FNDC3B: variants seen among roughly 807,000 people sequenced by gnomAD.
FNDC3B encodes the protein fibronectin type III domain containing 3B.
Under a neutral mutation model 151.5 loss-of-function variants are expected in FNDC3B, and 12 were observed. That is an observed-to-expected ratio of 0.08 (90% CI 0.05 to 0.13). The LOEUF is 0.13. Among genes scored for constraint, FNDC3B ranks in the 10% least tolerant of loss-of-function variants. The pLI is 1.00. For missense variants in FNDC3B, 1,214 were observed against 1,505.3 expected (o/e 0.81, Z 3.20); for synonymous variants, 528 against 549.0 (o/e 0.96, Z 0.54).
At chr3:172,073,485 G>A (rs6808166) in intron 1 of FNDC3B, among the ~76,000 whole-genome samples, 71,148 of 152,096 alleles carry the variant, frequency 0.47, 18,610 homozygotes, top group Non-Finnish European at 0.57. Context: ...TTTAGTTGCT[G>A]TGGACTTTGA....
chr3:172,330,494 C>A (rs372701592), intron 12 of FNDC3B, 47 bp from the exon 13 acceptor site: 4 of 1,525,350 alleles, frequency 2.6e-6, no homozygotes, highest in Non-Finnish European at 3.6e-6. Flanking sequence ...AAATGCCAAG[C>A]CTCTTCACAT....
intron 1 of FNDC3B, among the ~76,000 whole-genome samples, chr3:172,095,788 TA>T (rs918165248): frequency 2.0e-5 from 2 of 99,630 alleles, no homozygotes; most frequent in South Asian, 2.8e-4. Flanking sequence ...TTTTCTTTGT[TA>T]AAAAAACAAA....
Position 172,195,732 on chromosome 3 carries a change from C to T in FNDC3B, c.188-31139C>T, listed in dbSNP as rs138939052. Among the ~76,000 whole-genome samples the T allele has an allele frequency of 7.9e-5, 12 of 152,336 alleles. No individual in the cohort carries two copies. In the East Asian group the frequency reaches 2.1e-3, roughly 27 times the overall value. On this transcript the variant is annotated intron_variant, in intron 3 of 25. Transcript: ENST00000415807. The stretch of plus-strand genomic sequence containing the variant: ...ATTTGTAGCAGTACAGGTTAAGTCA[C>T]AAGCCAGCCTGAGGAATAGGATGAG...
intron 9 of FNDC3B, among the ~76,000 whole-genome samples, chr3:172,304,486 T>C (rs1731091558): frequency 1.3e-5 from 2 of 152,168 alleles, no homozygotes; most frequent in African/African-American, 4.8e-5. Flanking sequence ...TGAAAAGCAG[T>C]CTCAGTGCTG....
chr3:172,357,302 A>G (rs1030195517), intron 22 of FNDC3B, among the ~76,000 whole-genome samples: 1 of 152,220 alleles, frequency 6.6e-6, no homozygotes, highest in African/African-American at 2.4e-5. Context: ...GGAAAATGCT[A>G]CTTCCCTTGT....
intron 3 of FNDC3B, among the ~76,000 whole-genome samples, chr3:172,202,888 T>C (rs1725230052): frequency 6.6e-6 from 1 of 152,228 alleles, no homozygotes; most frequent in Admixed American, 6.5e-5. Context: ...TGGCACACTT[T>C]TTCTGTAAAG....
At chr3:172,116,511 A>T (rs909415493) in intron 2 of FNDC3B, among the ~76,000 whole-genome samples, 2 of 152,046 alleles carry the variant, frequency 1.3e-5, no homozygotes, top group South Asian at 2.1e-4. Context: ...CTGGAATTTC[A>T]TATAAATAAA....
chr3:172,096,961 C>A (rs1036910711), intron 1 of FNDC3B, among the ~76,000 whole-genome samples: 1 of 152,194 alleles, frequency 6.6e-6, no homozygotes, highest in African/African-American at 2.4e-5. Flanking sequence ...GGCTTGCCAG[C>A]TCCTAAGGAA....
At chr3:172,369,057 A>G (rs1416900978) in intron 23 of FNDC3B, among the ~76,000 whole-genome samples, 1 of 152,214 alleles carries the variant, frequency 6.6e-6, no homozygotes, top group East Asian at 1.9e-4. Context: ...GGAGCATAAC[A>G]ATTTAGCCTT....
At chr3:172,361,781 A>G (rs1470611325) in intron 22 of FNDC3B, among the ~76,000 whole-genome samples, 1 of 152,086 alleles carries the variant, frequency 6.6e-6, no homozygotes, top group East Asian at 1.9e-4. Context: ...TTGCCAAACA[A>G]TTCTCCCACC....
chr3:172,251,287 C>T lies in FNDC3B; in HGVS notation c.536C>T (p.Thr179Ile), dbSNP rs7652177. Residue 179 changes from threonine (T) to isoleucine (I), a missense_variant, in exon 6 of 26, where the codon ACC (threonine) becomes ATC (isoleucine). Thr to Ile is a moderately conservative substitution (Grantham distance 89). Coordinates refer to ENST00000415807, the MANE Select transcript of FNDC3B (RefSeq NM_022763.4). The part of the protein sequence containing the change: ...QEIIPFYGMS[T>I]YITREDQYSK... ...ATTATACCATTTTATGGAATGTCAA[C>T]CTACATCACCCGAGAAGACCAGTAC... 6.2e-7 allele frequency: 1 copy of T among 1,611,912 alleles called. No individual in the cohort carries two copies. Among genetic ancestry groups the T allele is most frequent in the Non-Finnish European group, 8.5e-7 (1 of 1,178,404 alleles).
chr3:172,389,420 A>T (rs1178538456), intron 25 of FNDC3B, among the ~76,000 whole-genome samples: 1 of 152,248 alleles, frequency 6.6e-6, no homozygotes, highest in Non-Finnish European at 1.5e-5. Context: ...AAGGTAGACA[A>T]GCTATGAAGT....
chr3:172,219,794 A>T (rs1051462170), intron 3 of FNDC3B, among the ~76,000 whole-genome samples: 1 of 152,194 alleles, frequency 6.6e-6, no homozygotes, highest in African/African-American at 2.4e-5. Context: ...TTAGTGCTTC[A>T]TTCCTTTTTA....
chr3:172,051,069 T>C (rs956231281), intron 1 of FNDC3B, among the ~76,000 whole-genome samples: 1 of 151,620 alleles, frequency 6.6e-6, no homozygotes. Flanking sequence ...AGATAACTTA[T>C]CATTTTCTTT....
chr3:172,186,619 C>A (rs1724199410), intron 3 of FNDC3B: 6 of 666,802 alleles, frequency 9.0e-6, no homozygotes, highest in Non-Finnish European at 1.3e-5. Flanking sequence ...CCTATACCAG[C>A]ATTTTAAAAA....
At chr3:172,067,239 G>A (rs1438827136) in intron 1 of FNDC3B, among the ~76,000 whole-genome samples, 1 of 152,112 alleles carries the variant, frequency 6.6e-6, no homozygotes, top group Non-Finnish European at 1.5e-5. Context: ...GTATTTTTCT[G>A]TATATAATGT....
At chr3:172,204,517 TTA>T (rs1725326511) in intron 3 of FNDC3B, among the ~76,000 whole-genome samples, 1 of 152,180 alleles carries the variant, frequency 6.6e-6, no homozygotes, top group Non-Finnish European at 1.5e-5. Context: ...TAGAATACAT[TTA>T]TAATGTGTTA....
At chr3:172,150,292 CA>C (rs113948505) in intron 3 of FNDC3B, among the ~76,000 whole-genome samples, 1 of 151,642 alleles carries the variant, frequency 6.6e-6, no homozygotes, top group Admixed American at 6.6e-5. Context: ...CGTTGCACTT[CA>C]AAAAAAATTG....
chr3:172,357,334 A>G (rs995464767), intron 22 of FNDC3B, among the ~76,000 whole-genome samples: 12 of 152,204 alleles, frequency 7.9e-5, no homozygotes, highest in African/African-American at 2.7e-4. Flanking sequence ...AGAGCTGAAG[A>G]TTTTTTAAAC....
Sources: gnomAD v4.1 joint callset for allele counts (sites outside exome capture counted in the v4.1 genomes callset) on GRCh38, gnomAD v4.1.1 for gene constraint, MANE v1.5 for transcripts, NCBI Gene and HGNC (gene_info 2026-07-23, HGNC 2026-07-21) for gene names.